SOX5: variants seen among roughly 807,000 people sequenced by gnomAD.
SOX5 encodes SRY-box transcription factor 5, also known as transcription factor SOX-5.
A neutral mutation model predicts 92.0 loss-of-function variants in SOX5; 9 were observed. The observed-to-expected ratio is 0.10, with a 90% CI of 0.06 to 0.17. The LOEUF (loss-of-function observed/expected upper bound fraction) is 0.17, where lower values mean the gene tolerates loss of function less well. SOX5 is among the 10% of genes least tolerant of loss of function. The pLI is 1.00. For missense variants in SOX5, 642 were observed against 944.5 expected (o/e 0.68, Z 4.20); for synonymous variants, 344 against 336.3 (o/e 1.02, Z -0.25).
intron 1 of SOX5, among the ~76,000 whole-genome samples, chr12:23,929,533 A>C (rs906327854): frequency 6.6e-6 from 1 of 151,938 alleles, no homozygotes. Flanking sequence ...CCAATACAGA[A>C]AAGAGAAAAT....
At chr12:24,148,353 G>C (rs1449172227) in intron 4 of SOX5, among the ~76,000 whole-genome samples, 2 of 151,720 alleles carry the variant, frequency 1.3e-5, no homozygotes, top group African/African-American at 4.8e-5. Flanking sequence ...AAATTAGCTG[G>C]GTGTGGTGAT....
intron 3 of SOX5, among the ~76,000 whole-genome samples, chr12:24,217,536 A>G (rs1258470850): frequency 6.6e-6 from 1 of 152,236 alleles, no homozygotes; most frequent in Non-Finnish European, 1.5e-5. Context: ...CTAAACTATA[A>G]AAGTCTTAGA....
chr12:23,538,475 A>G (rs1941124724), intron 13 of SOX5, among the ~76,000 whole-genome samples: 2 of 152,190 alleles, frequency 1.3e-5, no homozygotes, highest in Non-Finnish European at 1.5e-5. Flanking sequence ...TGGTCAAGCC[A>G]TATCATTTGT....
intron 6 of SOX5, among the ~76,000 whole-genome samples, chr12:23,680,326 A>C (rs1207429092): frequency 1.7e-4 from 12 of 71,096 alleles, no homozygotes; most frequent in East Asian, 7.6e-4. Context: ...ACCTTGTCTC[A>C]AAAAAAAAAA....
intron 1 of SOX5, among the ~76,000 whole-genome samples, chr12:23,898,946 A>T (rs2097204254): frequency 6.6e-6 from 1 of 152,252 alleles, no homozygotes. Flanking sequence ...AAACTATATA[A>T]CAAATTACAT....
intron 1 of SOX5, among the ~76,000 whole-genome samples, chr12:24,503,908 C>T (rs917526162): frequency 6.6e-6 from 1 of 151,920 alleles, no homozygotes; most frequent in Non-Finnish European, 1.5e-5. Flanking sequence ...ACCACCATGG[C>T]ACGTGTATAC....
At chr12:23,558,413 G>C (rs1027037163) in intron 11 of SOX5, among the ~76,000 whole-genome samples, 1 of 152,152 alleles carries the variant, frequency 6.6e-6, no homozygotes, top group African/African-American at 2.4e-5. Context: ...TTAGCAAAGA[G>C]AAAATGACTT....
intron 1 of SOX5, among the ~76,000 whole-genome samples, chr12:24,465,146 CT>C (rs1437002864): frequency 6.6e-6 from 1 of 152,240 alleles, no homozygotes; most frequent in Non-Finnish European, 1.5e-5. Context: ...CTACCTTCAT[CT>C]TTCTCTCACG....
chr12:24,054,833 G>A (rs1465348507), intron 4 of SOX5, among the ~76,000 whole-genome samples: 1 of 152,222 alleles, frequency 6.6e-6, no homozygotes, highest in African/African-American at 2.4e-5. Context: ...AATTGGGGGA[G>A]AAGAGGTATA....
rs79019187 is a variant in SOX5, at chr12:24,418,595, T to C, written c.-250-49956A>G. On this transcript the variant is annotated intron_variant, in intron 1 of 4. Coordinates refer to the SOX5 transcript ENST00000446891. ...ATCCAATTCAAGAATATTGCTGATA[T>C]ACAGAGGAGAACAGAAATTAGGAAT... 1.8e-3 allele frequency among the ~76,000 whole-genome samples: 270 copies of C among 152,316 alleles called. 1 individual carries two copies. Among genetic ancestry groups the C allele is most frequent in the African/African-American group, 6.1e-3 (253 of 41,566 alleles).
intron 3 of SOX5, among the ~76,000 whole-genome samples, chr12:23,770,173 C>T (rs970876328): frequency 4.0e-5 from 6 of 151,406 alleles, no homozygotes; most frequent in Admixed American, 3.3e-4. Flanking sequence ...CTTTCTTCCT[C>T]CCCTATCCGT....
At chr12:24,361,858 T>C (rs1955608192) in intron 2 of SOX5, among the ~76,000 whole-genome samples, 1 of 152,222 alleles carries the variant, frequency 6.6e-6, no homozygotes, top group African/African-American at 2.4e-5. Flanking sequence ...CAGGCTTACC[T>C]GAGTGTACAG....
chr12:24,216,177 G>A (rs550096553), intron 3 of SOX5, among the ~76,000 whole-genome samples: 1 of 152,260 alleles, frequency 6.6e-6, no homozygotes, highest in African/African-American at 2.4e-5. Context: ...GGATGGGGGA[G>A]GTTGTCAAAA....
chr12:24,408,542 C>G (rs1375818725), intron 1 of SOX5, among the ~76,000 whole-genome samples: 1 of 152,082 alleles, frequency 6.6e-6, no homozygotes, highest in Non-Finnish European at 1.5e-5. Flanking sequence ...TGTTTCCGCT[C>G]CACCCCACCC....
At chr12:23,880,520 T>A (rs1049871303) in intron 2 of SOX5, among the ~76,000 whole-genome samples, 2 of 152,190 alleles carry the variant, frequency 1.3e-5, no homozygotes, top group African/African-American at 4.8e-5. Context: ...AATATCTGCA[T>A]CCTGAAGAGG....
At chr12:24,106,684 C>T (rs992517551) in intron 4 of SOX5, among the ~76,000 whole-genome samples, 18 of 151,422 alleles carry the variant, frequency 1.2e-4, no homozygotes, top group Admixed American at 5.9e-4. Flanking sequence ...CCCAGGTATT[C>T]GGGAGGCTGT....
intron 3 of SOX5, among the ~76,000 whole-genome samples, chr12:24,274,844 T>TA (rs1258988160): frequency 2.0e-5 from 3 of 152,178 alleles, no homozygotes; most frequent in African/African-American, 7.2e-5. Context: ...CTCTTCCACT[T>TA]ATACACAAGT....
intron 3 of SOX5, among the ~76,000 whole-genome samples, chr12:24,251,768 C>T (rs564988456): frequency 6.6e-6 from 1 of 151,868 alleles, no homozygotes; most frequent in South Asian, 2.1e-4. Context: ...GACAAGTTTT[C>T]ACCATGTTGG....
intron 4 of SOX5, among the ~76,000 whole-genome samples, chr12:24,105,727 A>G (rs1036699609): frequency 6.6e-6 from 1 of 152,192 alleles, no homozygotes; most frequent in Non-Finnish European, 1.5e-5. Flanking sequence ...CCTCAACTCT[A>G]AAGTAATTAT....
Sources: allele counts gnomAD v4.1 joint callset (sites outside exome capture counted in the v4.1 genomes callset), GRCh38; gene constraint gnomAD v4.1.1; transcripts MANE v1.5; gene names NCBI Gene and HGNC (gene_info 2026-07-23, HGNC 2026-07-21).